Variants in CNTN5 observed in about 807,000 individuals in gnomAD.
CNTN5 encodes contactin-5.
A neutral mutation model predicts 129.1 loss-of-function variants in CNTN5; 77 were observed. The ratio of observed to expected loss-of-function variants is 0.60; its 90% CI spans 0.50 to 0.72. The LOEUF (loss-of-function observed/expected upper bound fraction) is 0.72. Among genes scored for constraint, CNTN5 ranks in the 30% least tolerant of loss-of-function variants. The pLI is 0.00. For missense variants in CNTN5, 1,478 were observed against 1,328.8 expected, an observed-to-expected ratio of 1.11 and a Z score of -1.75; for synonymous variants, 509 against 465.6, an observed-to-expected ratio of 1.09 and a Z score of -1.20.
At chr11:99,172,284 G>A (rs1177806489) in intron 1 of CNTN5, among the ~76,000 whole-genome samples, 1 of 152,130 alleles carries the variant, frequency 6.6e-6, no homozygotes, top group Non-Finnish European at 1.5e-5. Flanking sequence ...GTGTGAAAAT[G>A]TTTGGTAAAC....
intron 3 of CNTN5, among the ~76,000 whole-genome samples, chr11:99,759,590 T>C (rs1944512242): frequency 6.6e-6 from 1 of 151,836 alleles, no homozygotes; most frequent in Admixed American, 6.6e-5. Context: ...GAAATGGTTA[T>C]ATTAATTCAG....
In CNTN5 at chr11:100,350,810, G is replaced by A. The variant is rs201455633; in HGVS notation, c.3139G>A (p.Ala1047Thr). Residue 1047 changes from alanine (A) to threonine (T), a missense_variant, in exon 24 of 25, where the codon GCA becomes ACA. Coordinates refer to ENST00000524871, the MANE Select transcript of CNTN5 (RefSeq NM_014361.4). Reference protein sequence around the residue: ...DAGVYIIEVRAYSEGGDGTAS... With the variant: ...DAGVYIIEVRTYSEGGDGTAS... ...TGGAGTCTATATTATTGAAGTTCGA[G>A]CATATAGTGAAGGAGGAGATGGAAC... 1.2e-6 allele frequency: 2 copies of A among 1,606,852 alleles called. No individual in the cohort carries two copies. The highest frequency in any genetic ancestry group is 1.7e-6 in the Non-Finnish European group (2 of 1,175,512).
At chr11:99,693,573 T>C (rs1482430215) in intron 3 of CNTN5, among the ~76,000 whole-genome samples, 4 of 151,056 alleles carry the variant, frequency 2.6e-5, no homozygotes, top group Non-Finnish European at 4.4e-5. Context: ...TCTTCAAGGG[T>C]GGATAGAGTA....
chr11:100,255,362 T>C (rs1023418705), intron 16 of CNTN5, among the ~76,000 whole-genome samples: 9 of 138,760 alleles, frequency 6.5e-5, no homozygotes, highest in African/African-American at 2.5e-4. Context: ...AGTATTTTAG[T>C]AAGGATGAGA....
chr11:99,687,865 T>A (rs556873447), intron 3 of CNTN5, among the ~76,000 whole-genome samples: 1 of 152,216 alleles, frequency 6.6e-6, no homozygotes, highest in African/African-American at 2.4e-5. Flanking sequence ...TGTGACATGA[T>A]AGGAATCAAA....
At position 99,903,553 on chromosome 11, in the gene CNTN5, A is replaced by G. The variant is rs151035447; in HGVS notation, c.578-12501A>G. Among the ~76,000 whole-genome samples, 1,375 of 152,230 alleles carry G rather than the reference A, an allele frequency of 9.0e-3. 29 individuals carry two copies. The highest frequency in any genetic ancestry group is 0.032 in the African/African-American group (1,315 of 41,558). ...TTTTCTCATTGGATATGTGGAAAAG[A>G]AATAACTGTGTCATCTAGAGGGGCT... On this transcript the variant is annotated intron_variant, in intron 6 of 24. Transcript: ENST00000524871.
chr11:99,476,144 A>G (rs1281341877), intron 2 of CNTN5, among the ~76,000 whole-genome samples: 1 of 151,996 alleles, frequency 6.6e-6, no homozygotes, highest in Non-Finnish European at 1.5e-5. Context: ...ACAATTCCCC[A>G]AATTTATTTT....
At chr11:99,225,331 C>T (rs993898842) in intron 1 of CNTN5, among the ~76,000 whole-genome samples, 1 of 152,070 alleles carries the variant, frequency 6.6e-6, no homozygotes, top group African/African-American at 2.4e-5. Context: ...AGCATGGTTA[C>T]CGCTGGAAAG....
chr11:99,205,167 A>G (rs61893066), intron 1 of CNTN5, among the ~76,000 whole-genome samples: 5 of 104,702 alleles, frequency 4.8e-5, no homozygotes, highest in Admixed American at 4.5e-4. Flanking sequence ...CAATAAGCAA[A>G]CAAACAAACA....
chr11:99,129,072 G>T (rs1235692940), intron 1 of CNTN5, among the ~76,000 whole-genome samples: 2 of 152,186 alleles, frequency 1.3e-5, no homozygotes. Flanking sequence ...CACTTCTCCA[G>T]CAAGGCCACA....
chr11:100,297,675 G>T lies in CNTN5; in HGVS notation c.2365G>T (p.Glu789Ter). Residue 789 changes from glutamate (E) to a stop codon, truncating the protein, a stop_gained, in exon 19 of 25, where the codon GAG (glutamate) becomes TAG (stop). Coordinates refer to ENST00000524871, the MANE Select transcript of CNTN5 (RefSeq NM_014361.4). LOFTEE classifies it high-confidence loss of function. ...AAGCGGAAGAAGTGGAAGAAGGCAT[G>T]AGTTAGTCATTGCCTGGGAGGTAAG... Reference protein sequence around the residue: ...NVSGRSGRRHELVIAWEPVSE... With the variant: ...NVSGRSGRRH The T allele has an allele frequency of 6.2e-7, 1 of 1,603,994 alleles. No homozygotes were observed. The highest frequency in any genetic ancestry group is 1.1e-5 in the South Asian group (1 of 89,594).
chr11:99,392,730 A>G (rs1941327323), intron 2 of CNTN5, among the ~76,000 whole-genome samples: 1 of 151,928 alleles, frequency 6.6e-6, no homozygotes. Flanking sequence ...ATAAATAAAC[A>G]AGAACAATTA....
At chr11:99,597,749 G>A (rs751367093) in intron 3 of CNTN5, among the ~76,000 whole-genome samples, 9 of 152,008 alleles carry the variant, frequency 5.9e-5, no homozygotes, top group Non-Finnish European at 1.3e-4. Context: ...ATAACCTCAG[G>A]GTACCAAGAA....
intron 2 of CNTN5, among the ~76,000 whole-genome samples, chr11:99,399,831 C>T (rs1241699742): frequency 6.6e-6 from 1 of 151,192 alleles, no homozygotes; most frequent in East Asian, 1.9e-4. Flanking sequence ...TTTTTAATTT[C>T]TTTGGCTTTT....
chr11:99,669,206 T>C (rs1033625005), intron 3 of CNTN5, among the ~76,000 whole-genome samples: 3 of 152,160 alleles, frequency 2.0e-5, no homozygotes, highest in African/African-American at 7.2e-5. Context: ...TATGGAGGTT[T>C]TTACTTATGC....
intron 4 of CNTN5, among the ~76,000 whole-genome samples, chr11:99,840,383 G>A (rs1947447256): frequency 6.6e-6 from 1 of 151,926 alleles, no homozygotes; most frequent in African/African-American, 2.4e-5. Flanking sequence ...CTCATAATAA[G>A]AACTATGAAT....
intron 3 of CNTN5, among the ~76,000 whole-genome samples, chr11:99,624,630 AT>A (rs1219041940): frequency 6.6e-6 from 1 of 152,076 alleles, no homozygotes; most frequent in Non-Finnish European, 1.5e-5. Context: ...TTCTTTTCTC[AT>A]TTTCAATAGA....
intron 6 of CNTN5, among the ~76,000 whole-genome samples, chr11:99,859,370 T>C (rs1457105219): frequency 6.6e-6 from 1 of 152,208 alleles, no homozygotes; most frequent in Non-Finnish European, 1.5e-5. Context: ...CTCCCAACTC[T>C]TATTTTAGAT....
At chr11:100,097,919 T>G (rs1945066573) in intron 13 of CNTN5, among the ~76,000 whole-genome samples, 1 of 151,942 alleles carries the variant, frequency 6.6e-6, no homozygotes, top group Non-Finnish European at 1.5e-5. Flanking sequence ...AAATTGTGAG[T>G]GGATATGAAA....
Sources: gnomAD v4.1 joint callset for allele counts (sites outside exome capture counted in the v4.1 genomes callset) on GRCh38, gnomAD v4.1.1 for gene constraint, MANE v1.5 for transcripts, NCBI Gene and HGNC (gene_info 2026-07-23, HGNC 2026-07-21) for gene names.